The following MYO3A variants were observed in gnomAD, a reference collection of about 807,000 sequenced individuals.
MYO3A encodes the protein myosin IIIA.
In MYO3A, 180 loss-of-function variants were observed where a neutral mutation model predicts 192.7. That is an observed-to-expected ratio of 0.93 (90% CI 0.83 to 1.06). The LOEUF is 1.06. Ranked by LOEUF, MYO3A falls within the 50% of genes least tolerant of loss-of-function variation. The pLI is 0.00. For missense variants in MYO3A, 1,896 were observed against 1,905.0 expected (o/e 1.00, Z 0.09); for synonymous variants, 628 against 645.3 (o/e 0.97, Z 0.41).
Position 26,158,602 on chromosome 10 carries a change from A to G in MYO3A, c.2999+1087A>G, listed in dbSNP as rs540903315. ...AGATTAACATAAAATAAATTAAGCTATATACTAAATATATTTTATTGAGTA... is the reference window on the plus strand; with the variant it reads ...AGATTAACATAAAATAAATTAAGCTGTATACTAAATATATTTTATTGAGTA... On this transcript the variant is annotated intron_variant, in intron 26 of 34. Coordinates refer to ENST00000642920, the MANE Select transcript of MYO3A (RefSeq NM_017433.5). Among the ~76,000 whole-genome samples, 8 of 152,260 alleles carry G rather than the reference A, an allele frequency of 5.3e-5. No homozygotes were observed. In the East Asian group the frequency reaches 1.5e-3, roughly 29 times the overall value.
intron 10 of MYO3A, among the ~76,000 whole-genome samples, chr10:26,046,450 A>C (rs1412974858): frequency 6.6e-6 from 1 of 152,072 alleles, no homozygotes; most frequent in African/African-American, 2.4e-5. Context: ...ATGTTGTACA[A>C]CTCCAGGAGG....
At chr10:26,094,525 T>G (rs181951477) in intron 15 of MYO3A, among the ~76,000 whole-genome samples, 25 of 148,828 alleles carry the variant, frequency 1.7e-4, no homozygotes, top group African/African-American at 6.2e-4. Context: ...CCCGGGTTCA[T>G]GCCATTCTCC....
At position 26,006,118 on chromosome 10, in the gene MYO3A, G is replaced by C. The variant is rs906797395; in HGVS notation, c.508+8860G>C. On this transcript the variant is annotated intron_variant, in intron 6 of 34. Coordinates refer to ENST00000642920, the MANE Select transcript of MYO3A (RefSeq NM_017433.5). Reference sequence around the variant, plus strand: ...GATCTTTTAGTTGTAAGGACTAGATGCCCCAACTAGCTACTGGGTACATAA... The same window carrying C: ...GATCTTTTAGTTGTAAGGACTAGATCCCCCAACTAGCTACTGGGTACATAA... Among the ~76,000 whole-genome samples the C allele has an allele frequency of 2.6e-5, 4 of 152,072 alleles. No homozygotes were observed. The South Asian group carries it at 8.3e-4, about 31-fold the overall frequency.
intron 26 of MYO3A, among the ~76,000 whole-genome samples, chr10:26,160,820 G>A (rs1235277120): frequency 2.6e-5 from 4 of 152,120 alleles, no homozygotes; most frequent in Non-Finnish European, 5.9e-5. Context: ...TGAAGTGACA[G>A]AAGATAATAT....
intron 31 of MYO3A, 67 bp downstream of exon 31, chr10:26,176,912 T>C (rs1589084414): frequency 1.9e-6 from 3 of 1,557,220 alleles, no homozygotes; most frequent in Non-Finnish European, 2.7e-6. Flanking sequence ...TTTATTAGTT[T>C]CCCACCATTA....
At chr10:26,110,427 T>C (rs1838093322) in intron 17 of MYO3A, among the ~76,000 whole-genome samples, 1 of 152,220 alleles carries the variant, frequency 6.6e-6, no homozygotes, top group Non-Finnish European at 1.5e-5. Context: ...TGCTCTTAGC[T>C]GTAATTTGTT....
chr10:26,095,934 G>A lies in MYO3A; in HGVS notation c.1563-447G>A, dbSNP rs141308826. ...GGGGAGATTGACAGCTCTAATCCTCGGTTTCCTTCTCCATAAAATAGGAAA... is the reference window on the plus strand; with the variant it reads ...GGGGAGATTGACAGCTCTAATCCTCAGTTTCCTTCTCCATAAAATAGGAAA... On this transcript the variant is annotated intron_variant, in intron 15 of 34. Transcript: ENST00000642920. Among the ~76,000 whole-genome samples the A allele has an allele frequency of 6.2e-4, 95 of 152,182 alleles. No individual in the cohort carries two copies. The Middle Eastern group carries it at 0.02, about 33-fold the overall frequency.
chr10:26,100,482 T>G (rs1249026253), intron 17 of MYO3A, among the ~76,000 whole-genome samples: 4 of 152,216 alleles, frequency 2.6e-5, no homozygotes, highest in Admixed American at 2.0e-4. Flanking sequence ...CTCTAGTTCT[T>G]TTAATTGTGA....
intron 10 of MYO3A, among the ~76,000 whole-genome samples, chr10:26,036,100 A>AT (rs780540392): frequency 9.9e-5 from 15 of 151,292 alleles, no homozygotes; most frequent in Non-Finnish European, 1.3e-4. Context: ...CGCCTGGCTA[A>AT]TTTTTTTTGT....
chr10:26,188,169 T>C (rs1459485073), intron 31 of MYO3A, among the ~76,000 whole-genome samples: 1 of 152,234 alleles, frequency 6.6e-6, no homozygotes, highest in Non-Finnish European at 1.5e-5. Context: ...TCCTGACTTT[T>C]TAATGATCGC....
chr10:26,176,314 G>A (rs1194747594), intron 30 of MYO3A, among the ~76,000 whole-genome samples: 1 of 151,874 alleles, frequency 6.6e-6, no homozygotes, highest in Non-Finnish European at 1.5e-5. Flanking sequence ...AAAAAGACTG[G>A]AAAGAAAAGG....
At chr10:26,093,221 A>G (rs1341375958) in intron 15 of MYO3A, among the ~76,000 whole-genome samples, 1 of 152,204 alleles carries the variant, frequency 6.6e-6, no homozygotes, top group Admixed American at 6.5e-5. Flanking sequence ...TCACAATTGC[A>G]CTGTATTAGT....
At position 26,131,835 on chromosome 10, in the gene MYO3A, G is replaced by A. The variant is rs1839552917; in HGVS notation, c.2262+3297G>A. Among the ~76,000 whole-genome samples, 4 of 152,218 alleles carry A rather than the reference G, an allele frequency of 2.6e-5. No homozygotes were observed. In the South Asian group the frequency reaches 8.3e-4, roughly 32 times the overall value. On this transcript the variant is annotated intron_variant, in intron 20 of 34. Coordinates refer to ENST00000642920, the MANE Select transcript of MYO3A (RefSeq NM_017433.5). ...GTTTGAAAATTAGATGGTAATCTAT[G>A]TCCCCACCCTGCAAATAGAAGATGA...
At chr10:26,004,524 C>T (rs1416381955) in intron 6 of MYO3A, among the ~76,000 whole-genome samples, 2 of 151,868 alleles carry the variant, frequency 1.3e-5, no homozygotes, top group African/African-American at 2.4e-5. Context: ...ATTCCACTAA[C>T]AGGGTATTAA....
chr10:25,994,372 C>A (rs1277932592), intron 4 of MYO3A, among the ~76,000 whole-genome samples: 2 of 152,170 alleles, frequency 1.3e-5, no homozygotes, highest in African/African-American at 4.8e-5. Flanking sequence ...CTTGGTAGAT[C>A]TTCCTCTATC....
At chr10:25,942,557 T>C (rs139221353) in intron 2 of MYO3A, among the ~76,000 whole-genome samples, 26 of 152,358 alleles carry the variant, frequency 1.7e-4, no homozygotes, top group East Asian at 5.8e-4. Flanking sequence ...CTGCTAGCAA[T>C]GCGCAAGAGT....
At chr10:25,999,035 C>G (rs1489876705) in intron 6 of MYO3A, among the ~76,000 whole-genome samples, 1 of 152,012 alleles carries the variant, frequency 6.6e-6, no homozygotes, top group Admixed American at 6.6e-5. Flanking sequence ...GTAGCTGGGA[C>G]TACAGGCGCC....
At chr10:26,169,951 T>A (rs964621271) in intron 28 of MYO3A, among the ~76,000 whole-genome samples, 1 of 152,232 alleles carries the variant, frequency 6.6e-6, no homozygotes, top group Non-Finnish European at 1.5e-5. Flanking sequence ...TCATTGATTA[T>A]TGGGCGCTGC....
intron 6 of MYO3A, among the ~76,000 whole-genome samples, chr10:26,013,812 C>T (rs10828934): frequency 0.094 from 14,286 of 152,076 alleles, 1,180 homozygotes; most frequent in African/African-American, 0.21. Flanking sequence ...ATGAAAAAGA[C>T]ACTTGTACTT....
Sources: allele counts gnomAD v4.1 joint callset (sites outside exome capture counted in the v4.1 genomes callset), GRCh38; gene constraint gnomAD v4.1.1; transcripts MANE v1.5; gene names NCBI Gene and HGNC (gene_info 2026-07-23, HGNC 2026-07-21).